The following PTPRM variants were observed in gnomAD, a reference collection of about 807,000 sequenced individuals.
PTPRM encodes protein tyrosine phosphatase receptor type M, also known as receptor-type tyrosine-protein phosphatase mu.
In PTPRM, 47 loss-of-function variants were observed where a neutral mutation model predicts 186.7. The observed-to-expected ratio is 0.25, with a 90% CI of 0.20 to 0.32. The LOEUF is 0.32. PTPRM is among the 10% of genes least tolerant of loss of function. The pLI is 1.00. For synonymous variants in PTPRM, 668 were observed against 674.9 expected (o/e 0.99, Z 0.16); for missense variants, 1,494 against 1,865.0 (o/e 0.80, Z 3.66).
chr18:7,646,257 G>A (rs1029013821), intron 1 of PTPRM, among the ~76,000 whole-genome samples: 1 of 152,150 alleles, frequency 6.6e-6, no homozygotes, highest in Non-Finnish European at 1.5e-5. Flanking sequence ...TTGCACCTGG[G>A]ATCTTTGTTA....
chr18:8,178,203 T>G (rs1048993838), intron 14 of PTPRM, among the ~76,000 whole-genome samples: 1 of 152,300 alleles, frequency 6.6e-6, no homozygotes, highest in Non-Finnish European at 1.5e-5. Context: ...CTCTCGTTTC[T>G]TCTGAGCTAT....
intron 1 of PTPRM, among the ~76,000 whole-genome samples, chr18:7,600,508 T>C (rs1334357670): frequency 6.6e-6 from 1 of 152,210 alleles, no homozygotes; most frequent in African/African-American, 2.4e-5. Context: ...CTGACTTCAG[T>C]GTCACCAGAC....
chr18:8,118,339 G>A (rs2092034372), intron 13 of PTPRM, among the ~76,000 whole-genome samples: 1 of 151,962 alleles, frequency 6.6e-6, no homozygotes, highest in Non-Finnish European at 1.5e-5. Flanking sequence ...GGGTTTTTTT[G>A]GGTTTTGATA....
intron 2 of PTPRM, among the ~76,000 whole-genome samples, chr18:7,834,491 T>TACACACACACACACACATACACACACAC (rs756488501): frequency 0.057 from 4,780 of 84,288 alleles, 382 homozygotes; most frequent in Middle Eastern, 0.081. Context: ...TATACAAGTA[T>TACACACACACACACACATACACACACAC]ACACACACAC....
chr18:8,276,109 C>G (rs1568648587), intron 19 of PTPRM, among the ~76,000 whole-genome samples: 1 of 152,026 alleles, frequency 6.6e-6, no homozygotes, highest in Non-Finnish European at 1.5e-5. Flanking sequence ...TAGGTTGGTT[C>G]CACTAGGACC....
intron 7 of PTPRM, among the ~76,000 whole-genome samples, chr18:7,984,574 T>TAC (rs2082732486): frequency 1.5e-5 from 1 of 67,252 alleles, no homozygotes; most frequent in Non-Finnish European, 2.9e-5. Context: ...ATATGCCCCA[T>TAC]ATATATATAT....
chr18:7,977,340 CG>C (rs1157481467), intron 7 of PTPRM, among the ~76,000 whole-genome samples: 4 of 152,112 alleles, frequency 2.6e-5, no homozygotes, highest in African/African-American at 9.7e-5. Flanking sequence ...CTGCCTTCCT[CG>C]GCCTCCCAAA....
chr18:7,879,935 C>T (rs1452934939), intron 2 of PTPRM, among the ~76,000 whole-genome samples: 1 of 152,260 alleles, frequency 6.6e-6, no homozygotes, highest in Middle Eastern at 3.4e-3. Context: ...CACTGTTCCG[C>T]GTGACTGGGA....
Position 7,911,846 on chromosome 18 carries a change from A to ATTTTTTTTTTTTTTTTTT in PTPRM, c.547+5270_547+5287dup, listed in dbSNP as rs57590269. The stretch of plus-strand genomic sequence containing the variant: ...TTTTTTCCAGAGTTTTATGGTTTCA[A>ATTTTTTTTTTTTTTTTTT]TTTTTTTTTTTTTTTTTTTTTTTTG... On this transcript the variant is annotated intron_variant, in intron 4 of 32. Coordinates refer to ENST00000580170, the MANE Select transcript of PTPRM (RefSeq NM_001105244.2). Among the ~76,000 whole-genome samples the ATTTTTTTTTTTTTTTTTT allele has an allele frequency of 1.2e-4, 10 of 80,680 alleles. 1 individual carries two copies. Among genetic ancestry groups the ATTTTTTTTTTTTTTTTTT allele is most frequent in the East Asian group, 1.0e-3 (2 of 1,990 alleles). 52.9% of individuals were successfully genotyped at this position (80,680 alleles called of 152,430 possible). A position where few individuals can be genotyped will look rare whatever the true frequency, so the allele number is the denominator to read the frequency against.
At chr18:7,846,807 T>A (rs1215105937) in intron 2 of PTPRM, among the ~76,000 whole-genome samples, 2 of 152,148 alleles carry the variant, frequency 1.3e-5, no homozygotes, top group African/African-American at 4.8e-5. Flanking sequence ...TCTGAGTAGT[T>A]ACTGCTGGCT....
intron 5 of PTPRM, among the ~76,000 whole-genome samples, chr18:7,927,248 A>G (rs1034605733): frequency 6.6e-6 from 1 of 152,186 alleles, no homozygotes; most frequent in Non-Finnish European, 1.5e-5. Context: ...GGATACATCC[A>G]TGCTCTCAGG....
At chr18:8,025,197 T>C (rs1340827011) in intron 7 of PTPRM, among the ~76,000 whole-genome samples, 2 of 152,198 alleles carry the variant, frequency 1.3e-5, no homozygotes, top group African/African-American at 4.8e-5. Flanking sequence ...TTGCAGCAAG[T>C]TGCTTAATAG....
At chr18:8,146,274 G>A (rs191879189) in intron 14 of PTPRM, among the ~76,000 whole-genome samples, 1 of 152,132 alleles carries the variant, frequency 6.6e-6, no homozygotes, top group East Asian at 1.9e-4. Context: ...CGCCTGCTTG[G>A]CCTCCCAAAG....
intron 7 of PTPRM, among the ~76,000 whole-genome samples, chr18:8,008,303 G>A (rs1367696305): frequency 6.6e-6 from 1 of 152,108 alleles, no homozygotes; most frequent in African/African-American, 2.4e-5. Context: ...AAATCACTGA[G>A]AAATCAATAA....
intron 1 of PTPRM, among the ~76,000 whole-genome samples, chr18:7,590,274 G>A (rs949083177): frequency 2.6e-5 from 4 of 152,112 alleles, no homozygotes; most frequent in Non-Finnish European, 4.4e-5. Flanking sequence ...TTGTATATAA[G>A]GATATTTATA....
chr18:8,136,410 C>T (rs550663907), intron 13 of PTPRM, among the ~76,000 whole-genome samples: 1 of 152,270 alleles, frequency 6.6e-6, no homozygotes, highest in South Asian at 2.1e-4. Flanking sequence ...ATCATCTTCT[C>T]CACAGGGCGT....
intron 4 of PTPRM, among the ~76,000 whole-genome samples, chr18:7,917,391 C>A (rs1273992008): frequency 2.0e-5 from 3 of 152,040 alleles, no homozygotes; most frequent in Admixed American, 1.3e-4. Flanking sequence ...AAACAATTAG[C>A]CAGGCGTGGT....
At chr18:7,942,367 CTG>C (rs2052234335) in intron 5 of PTPRM, among the ~76,000 whole-genome samples, 2 of 151,922 alleles carry the variant, frequency 1.3e-5, no homozygotes, top group South Asian at 2.1e-4. Context: ...TCAGGGAAAA[CTG>C]TGTTTTTATG....
chr18:8,027,996 G>C (rs1237031090), intron 7 of PTPRM, among the ~76,000 whole-genome samples: 3 of 151,636 alleles, frequency 2.0e-5, no homozygotes, highest in Non-Finnish European at 4.4e-5. Context: ...GCCGTTCATT[G>C]TTTCTTTCTT....
Sources: allele counts gnomAD v4.1 joint callset (sites outside exome capture counted in the v4.1 genomes callset), GRCh38; gene constraint gnomAD v4.1.1; transcripts MANE v1.5; gene names NCBI Gene and HGNC (gene_info 2026-07-23, HGNC 2026-07-21).